The following PPP3CB variants were observed in gnomAD, a reference collection of about 807,000 sequenced individuals.
PPP3CB encodes the protein protein phosphatase 3 catalytic subunit beta.
PPP3CB carries 8 observed loss-of-function variants against 66.4 expected under a neutral mutation model. That is an observed-to-expected ratio of 0.12 (90% CI 0.07 to 0.22). The LOEUF is 0.22. Ranked by LOEUF, PPP3CB falls within the 10% of genes least tolerant of loss-of-function variation. The probability of loss-of-function intolerance (pLI) is 1.00; values close to 1 mark genes in which losing one functional copy is unlikely to be tolerated. For missense variants in PPP3CB, 319 were observed against 642.5 expected (o/e 0.50, Z 5.44); for synonymous variants, 208 against 221.2 (o/e 0.94, Z 0.53).
At chr10:73,458,500 T>C (rs368956543) in intron 9 of PPP3CB, among the ~76,000 whole-genome samples, 44 of 152,094 alleles carry the variant, frequency 2.9e-4, no homozygotes, top group East Asian at 2.7e-3. Flanking sequence ...AGCAAAGGAT[T>C]TGAAAATATA....
At chr10:73,494,966 C>T (rs1432555224) in intron 1 of PPP3CB, among the ~76,000 whole-genome samples, 3 of 152,120 alleles carry the variant, frequency 2.0e-5, no homozygotes, top group Non-Finnish European at 4.4e-5. Flanking sequence ...TCAATTAGCC[C>T]TCAATTTCTC....
intron 1 of PPP3CB, among the ~76,000 whole-genome samples, chr10:73,483,944 G>C (rs2056926854): frequency 6.6e-6 from 1 of 151,900 alleles, no homozygotes. Context: ...AGGAGTTCAA[G>C]ACCATCCTGG....
intron 9 of PPP3CB, among the ~76,000 whole-genome samples, chr10:73,464,555 G>T (rs1286766070): frequency 6.6e-6 from 1 of 152,144 alleles, no homozygotes; most frequent in Non-Finnish European, 1.5e-5. Flanking sequence ...TGAAAATGTT[G>T]TGAGTACATA....
chr10:73,465,172 A>G (rs2056599221), intron 9 of PPP3CB, among the ~76,000 whole-genome samples: 1 of 152,112 alleles, frequency 6.6e-6, no homozygotes, highest in South Asian at 2.1e-4. Context: ...TAGGAAATTC[A>G]TATTATTCAC....
intron 9 of PPP3CB, among the ~76,000 whole-genome samples, chr10:73,463,994 A>G (rs1186739608): frequency 2.0e-5 from 3 of 151,318 alleles, no homozygotes; most frequent in Non-Finnish European, 4.4e-5. Flanking sequence ...GCAGTGGTGC[A>G]ATCTCAGCTC....
At position 73,495,787 on chromosome 10, in the gene PPP3CB, G is replaced by T. The variant is rs1412601689; in HGVS notation, c.85+18C>A. The T allele has an allele frequency of 2.0e-6, 3 of 1,525,568 alleles. No individual in the cohort carries two copies. Among genetic ancestry groups the T allele is most frequent in the East Asian group, 5.7e-5 (2 of 34,820 alleles). 94.5% of individuals were successfully genotyped at this position (1,525,568 alleles called of 1,614,324 possible). On this transcript the variant is annotated intron_variant, in intron 1 of 13. Coordinates refer to ENST00000360663, the MANE Select transcript of PPP3CB (RefSeq NM_021132.4). ...TAGCTCTTCAGGCCAGGCCCCCAGG[G>T]TTTCGTCCACCTCTCACCTTTGACG...
intron 10 of PPP3CB, among the ~76,000 whole-genome samples, chr10:73,451,286 CA>C (rs2056340664): frequency 6.6e-6 from 1 of 151,688 alleles, no homozygotes; most frequent in Non-Finnish European, 1.5e-5. Context: ...TAATAGAAAA[CA>C]AACTTAAAAT....
intron 3 of PPP3CB, among the ~76,000 whole-genome samples, chr10:73,476,809 C>T (rs543500926): frequency 1.2e-4 from 18 of 151,990 alleles, no homozygotes; most frequent in Non-Finnish European, 2.4e-4. Flanking sequence ...GAAAAGTTGA[C>T]GAGGCTAATA....
At chr10:73,461,107 C>A (rs1383575997) in intron 9 of PPP3CB, among the ~76,000 whole-genome samples, 1 of 152,240 alleles carries the variant, frequency 6.6e-6, no homozygotes, top group Non-Finnish European at 1.5e-5. Flanking sequence ...CTCATCGAAA[C>A]AGTGTGCCCA....
At chr10:73,442,933 C>G (rs898186171) in intron 12 of PPP3CB, among the ~76,000 whole-genome samples, 2 of 151,484 alleles carry the variant, frequency 1.3e-5, no homozygotes, top group Non-Finnish European at 2.9e-5. Context: ...TGGCTCATGC[C>G]TATAATCCCA....
At chr10:73,458,818 C>T (rs1393561229) in intron 9 of PPP3CB, among the ~76,000 whole-genome samples, 1 of 151,838 alleles carries the variant, frequency 6.6e-6, no homozygotes, top group Admixed American at 6.6e-5. Flanking sequence ...GCCTGTAATC[C>T]CAGCACTTTG....
chr10:73,445,987 T>C (rs1041319338), intron 11 of PPP3CB, among the ~76,000 whole-genome samples: 6 of 152,032 alleles, frequency 3.9e-5, no homozygotes, highest in Non-Finnish European at 2.9e-5. Context: ...GACCTCGTGA[T>C]CCACCTGCCT....
intron 1 of PPP3CB, 120 bp downstream of exon 1, chr10:73,495,685 G>A: frequency 7.1e-7 from 1 of 1,416,804 alleles, no homozygotes; most frequent in Non-Finnish European, 9.3e-7. Context: ...ACTCCCCAAG[G>A]GAGGCAGCCA....
intron 9 of PPP3CB, among the ~76,000 whole-genome samples, chr10:73,455,734 A>G (rs1438650856): frequency 6.6e-6 from 1 of 152,068 alleles, no homozygotes; most frequent in African/African-American, 2.4e-5. Context: ...TCGCCCGGCT[A>G]ATTTTTTGTA....
At chr10:73,475,686 T>C (rs1398292162) in intron 3 of PPP3CB, among the ~76,000 whole-genome samples, 2 of 152,198 alleles carry the variant, frequency 1.3e-5, no homozygotes, top group Non-Finnish European at 2.9e-5. Context: ...ACTAATTCAA[T>C]GCAAATGTAA....
chr10:73,491,824 G>A (rs576482920), intron 1 of PPP3CB, among the ~76,000 whole-genome samples: 6 of 152,114 alleles, frequency 3.9e-5, no homozygotes, highest in East Asian at 1.9e-4. Context: ...AAAATTAGCC[G>A]GGCGTGGTGG....
At chr10:73,464,038 C>A (rs901280193) in intron 9 of PPP3CB, among the ~76,000 whole-genome samples, 3 of 152,034 alleles carry the variant, frequency 2.0e-5, no homozygotes, top group African/African-American at 7.2e-5. Context: ...TCAAGCAATT[C>A]TCTGCCTGAG....
intron 9 of PPP3CB, among the ~76,000 whole-genome samples, chr10:73,464,381 T>C (rs932772259): frequency 6.6e-6 from 1 of 152,216 alleles, no homozygotes; most frequent in African/African-American, 2.4e-5. Flanking sequence ...ATTTCCTTGG[T>C]ACCTTGAATA....
chr10:73,449,471 A>G (rs562016662), intron 10 of PPP3CB, among the ~76,000 whole-genome samples: 1 of 152,234 alleles, frequency 6.6e-6, no homozygotes, highest in South Asian at 2.1e-4. Context: ...CATATCTTCC[A>G]TTCTAATGCT....
Sources: gnomAD v4.1 joint callset for allele counts (sites outside exome capture counted in the v4.1 genomes callset) on GRCh38, gnomAD v4.1.1 for gene constraint, MANE v1.5 for transcripts, NCBI Gene and HGNC (gene_info 2026-07-23, HGNC 2026-07-21) for gene names.